The following DACT1 variants were observed in gnomAD, a reference collection of about 807,000 sequenced individuals.
The protein encoded by DACT1 is dapper homolog 1.
A neutral mutation model predicts 35.3 loss-of-function variants in DACT1; 19 were observed. The ratio of observed to expected loss-of-function variants is 0.54; its 90% CI spans 0.38 to 0.79. The LOEUF is 0.79. Among genes scored for constraint, DACT1 ranks in the 30% least tolerant of loss-of-function variants. The pLI is 0.00. For missense variants in DACT1, 1,143 were observed against 1,057.5 expected, an observed-to-expected ratio of 1.08 and a Z score of -1.12; for synonymous variants, 545 against 466.7, an observed-to-expected ratio of 1.17 and a Z score of -2.16.
At position 58,638,433 on chromosome 14, in the gene DACT1, G is replaced by A; in HGVS notation, c.231G>A (p.Gly77=). The change falls in exon 1 of 4, where the codon GGG becomes GGA. Residue 77 remains glycine (G), a synonymous_variant. Transcript: ENST00000395153. The part of the protein sequence containing the change: ...LLVRGALRGA[G]GAGAAAPRAG... ...TCAGGGGCGCCCTGCGCGGCGCCGG[G>A]GGTGCGGGAGCCGCTGCGCCCCGCG... 1 of 1,331,722 alleles carries A rather than the reference G, an allele frequency of 7.5e-7. No homozygotes were observed. Among genetic ancestry groups the A allele is most frequent in the South Asian group, 2.4e-5 (1 of 42,258 alleles). The allele number at this position is 1,331,722 out of a possible 1,614,324, so 82.5% of individuals were successfully genotyped here. A position where few individuals can be genotyped will look rare whatever the true frequency, so the allele number is the denominator to read the frequency against.
chr14:58,644,844 A>G (rs1452955027), intron 3 of DACT1, among the ~76,000 whole-genome samples: 2 of 152,198 alleles, frequency 1.3e-5, no homozygotes, highest in Non-Finnish European at 2.9e-5. Flanking sequence ...GAAAGTAAAT[A>G]TCACTTACTT....
intron 1 of DACT1, among the ~76,000 whole-genome samples, chr14:58,639,929 C>T (rs927934726): frequency 4.6e-5 from 7 of 152,340 alleles, no homozygotes; most frequent in South Asian, 4.1e-4. Context: ...TTGTAAGTGG[C>T]GCATTCCTAT....
upstream of DACT1, among the ~76,000 whole-genome samples, chr14:58,635,426 T>C (rs1482608023): frequency 2.0e-5 from 3 of 152,230 alleles, no homozygotes; most frequent in Non-Finnish European, 4.4e-5. Context: ...TTGAGCTCCT[T>C]GCTTCTAACT....
intron 3 of DACT1, 177 bp from the exon 4 acceptor site, chr14:58,645,192 G>C: frequency 8.0e-7 from 1 of 1,252,458 alleles, no homozygotes; most frequent in Non-Finnish European, 1.1e-6. Flanking sequence ...CATAAAAATT[G>C]GCCAAAGAGT....
At position 58,647,593 on chromosome 14, in the gene DACT1, AG is replaced by A. The variant is rs2047706251; in HGVS notation, c.*463del. The A allele has an allele frequency of 5.5e-6, 1 of 182,296 alleles. No homozygotes were observed. The highest frequency in any genetic ancestry group is 2.4e-5 in the African/African-American group (1 of 41,428). The allele number at this position is 182,296 out of a possible 1,614,324, so 11.3% of individuals were successfully genotyped here. ...CATACAATAGTGTGAAGTAGGTATG[AG>A]GGGCAGTCATTGTATTCTATAGTTT... On this transcript the variant is annotated 3_prime_UTR_variant, in exon 4 of 4. Transcript: ENST00000395153.
At chr14:58,642,202 G>C (rs1387303769) in intron 3 of DACT1, among the ~76,000 whole-genome samples, 1 of 152,032 alleles carries the variant, frequency 6.6e-6, no homozygotes, top group Admixed American at 6.6e-5. Flanking sequence ...ACCAGCCTGG[G>C]TTGGCCCGGT....
At chr14:58,635,424 C>T (rs535903896), upstream of DACT1, among the ~76,000 whole-genome samples, 4 of 152,342 alleles carry the variant, frequency 2.6e-5, no homozygotes, top group Non-Finnish European at 2.9e-5. Context: ...CATTGAGCTC[C>T]TTGCTTCTAA....
chr14:58,637,631 A>G (rs2047583128), upstream of DACT1, among the ~76,000 whole-genome samples: 4 of 152,160 alleles, frequency 2.6e-5, no homozygotes, highest in Admixed American at 2.6e-4. Flanking sequence ...TGCGCGGCCG[A>G]CTGTAACAGG....
In DACT1 at chr14:58,646,143, A is replaced by C; in HGVS notation, c.1409A>C (p.Lys470Thr). The change falls in exon 4 of 4, where the codon AAA (lysine) becomes ACA (threonine). Residue 470 changes from lysine (K) to threonine (T), a missense_variant. Lys to Thr is a moderately conservative substitution (Grantham distance 78). Around this residue, in one of 3 missense-constraint regions of DACT1, gnomAD observed 1,054 missense variants for 958.8 expected, o/e 1.10. Transcript: ENST00000395153. The part of the protein sequence containing the change: ...PQENKVVQPL[K>T]KMSQKNSLQG... ...GAGAACAAAGTTGTACAGCCCCTGA[A>C]AAAGATGTCACAGAAAAACAGCCTG... 6.2e-7 allele frequency: 1 copy of C among 1,613,744 alleles called. No homozygotes were observed. The highest frequency in any genetic ancestry group is 8.5e-7 in the Non-Finnish European group (1 of 1,179,918).
chr14:58,639,009 T>TC (rs1160597402), intron 1 of DACT1: 1 of 985,594 alleles, frequency 1.0e-6, no homozygotes, highest in East Asian at 1.1e-4. Context: ...CGTGCTTAAC[T>TC]GTCCAGGGCC....
rs369739247 is a variant in DACT1 at position 58,638,409 on chromosome 14, C to T, written c.207C>T (p.Val69=). 38 of 1,303,502 alleles carry T rather than the reference C, an allele frequency of 2.9e-5. No individual in the cohort carries two copies. Among genetic ancestry groups the T allele is most frequent in the Non-Finnish European group, 3.6e-5 (37 of 1,025,696 alleles). The allele number at this position is 1,303,502 out of a possible 1,614,324, so 80.7% of individuals were successfully genotyped here. A position where few individuals can be genotyped will look rare whatever the true frequency, so the allele number is the denominator to read the frequency against. The part of the protein sequence containing the change: ...EYLRQRQELL[V]RGALRGAGGA... ...TGCGCCAGCGCCAAGAGCTGCTGGT[C>T]AGGGGCGCCCTGCGCGGCGCCGGGG... The change falls in exon 1 of 4, where the codon GTC becomes GTT. Residue 69 remains valine (V), a synonymous_variant. Coordinates refer to ENST00000395153, the MANE Select transcript of DACT1 (RefSeq NM_001079520.2).
At chr14:58,634,168 C>G (rs1231979386), upstream of DACT1, 1 of 152,202 alleles carries the variant, frequency 6.6e-6, no homozygotes, top group Non-Finnish European at 1.5e-5. Context: ...TTTAACAGCA[C>G]TAAAACACAG....
At chr14:58,640,243 C>CT (rs2047614491) in intron 1 of DACT1, among the ~76,000 whole-genome samples, 1 of 152,174 alleles carries the variant, frequency 6.6e-6, no homozygotes, top group Admixed American at 6.5e-5. Context: ...TTCAAAGGCT[C>CT]TAAGACTGAT....
rs1185912789 is a variant in DACT1 at position 58,640,758 on chromosome 14, C to A, written c.368C>A (p.Ala123Asp). ...KQLNCLRRRD[A>D]GLLNQLQELD... ...CAGAACTGTTTGAGGCGAAGAGATG[C>A]TGGTTTGTTGAATCAGTTGCAAGAG... Residue 123 changes from alanine to aspartate, a missense_variant, in exon 2 of 4, where the codon GCT becomes GAT. By Grantham distance (126) the Ala-to-Asp change is moderately radical. Coordinates refer to ENST00000395153, the MANE Select transcript of DACT1 (RefSeq NM_001079520.2). 1 of 1,613,984 alleles carries A rather than the reference C, an allele frequency of 6.2e-7. No individual in the cohort carries two copies. Among genetic ancestry groups the A allele is most frequent in the Non-Finnish European group, 8.5e-7 (1 of 1,180,020 alleles).
upstream of DACT1, among the ~76,000 whole-genome samples, chr14:58,637,601 G>A (rs2047582553): frequency 6.6e-6 from 1 of 152,234 alleles, no homozygotes. Flanking sequence ...CAACTGCCGC[G>A]TCCCGTCGCG....
intron 1 of DACT1, 166 bp downstream of exon 1, chr14:58,638,713 C>A: frequency 8.4e-7 from 1 of 1,184,770 alleles, no homozygotes; most frequent in Non-Finnish European, 1.1e-6. Flanking sequence ...TGAGTGCCCG[C>A]GGCGTGTGGG....
rs758387944 is a variant in DACT1, at chr14:58,646,547, G to A, written c.1813G>A (p.Val605Ile). Reference sequence around the variant, plus strand: ...GAGTGGGGGCGGGCCCGAGGCTGGTGTTCCCGGCAGGCCCGCGGGCGGGGG... The same window carrying A: ...GAGTGGGGGCGGGCCCGAGGCTGGTATTCCCGGCAGGCCCGCGGGCGGGGG... ...RKSGGGPEAG[V>I]PGRPAGGGHR... Residue 605 changes from valine to isoleucine, a missense_variant, in exon 4 of 4, where the codon GTT becomes ATT. By Grantham distance (29) the Val-to-Ile change is conservative. Coordinates refer to ENST00000395153, the MANE Select transcript of DACT1 (RefSeq NM_001079520.2). The A allele has an allele frequency of 1.9e-6, 3 of 1,556,408 alleles. No individual in the cohort carries two copies. Among genetic ancestry groups the A allele is most frequent in the African/African-American group, 1.4e-5 (1 of 72,872 alleles).
At chr14:58,639,923 A>T (rs2047611436) in intron 1 of DACT1, among the ~76,000 whole-genome samples, 1 of 152,252 alleles carries the variant, frequency 6.6e-6, no homozygotes, top group African/African-American at 2.4e-5. Flanking sequence ...TCAAGATTGT[A>T]AGTGGCGCAT....
rs2047704823 is a variant in DACT1, at chr14:58,647,462, G to A, written c.*328G>A. The A allele has an allele frequency of 9.5e-6, 3 of 315,346 alleles. No individual in the cohort carries two copies. In the Admixed American group the frequency reaches 1.5e-4, roughly 16 times the overall value. 19.5% of individuals were successfully genotyped at this position (315,346 alleles called of 1,614,324 possible). A position where few individuals can be genotyped will look rare whatever the true frequency, so the allele number is the denominator to read the frequency against. On this transcript the variant is annotated 3_prime_UTR_variant, in exon 4 of 4. Coordinates refer to ENST00000395153, the MANE Select transcript of DACT1 (RefSeq NM_001079520.2). Reference sequence around the variant, plus strand: ...TGATGTTCAAGTTTTATTGGGATAAGATCTTTTGATCCCAAGGTCAGGTGG... The same window carrying A: ...TGATGTTCAAGTTTTATTGGGATAAAATCTTTTGATCCCAAGGTCAGGTGG...
Sources: allele counts gnomAD v4.1 joint callset (sites outside exome capture counted in the v4.1 genomes callset), GRCh38; gene constraint gnomAD v4.1.1; regional missense constraint gnomAD v4.1.1; transcripts MANE v1.5; gene names NCBI Gene and HGNC (gene_info 2026-07-23, HGNC 2026-07-21).